ROBO1: variants seen among roughly 807,000 people sequenced by gnomAD.
ROBO1 encodes roundabout guidance receptor 1.
Under a neutral mutation model 195.9 loss-of-function variants are expected in ROBO1, and 149 were observed. That is an observed-to-expected ratio of 0.76 (90% CI 0.67 to 0.87). The LOEUF (loss-of-function observed/expected upper bound fraction) is 0.87, where lower values mean the gene tolerates loss of function less well. ROBO1 is among the 40% of genes least tolerant of loss of function. ROBO1 has a pLI of 0.00. For missense variants in ROBO1, 1,933 were observed against 2,068.3 expected, an observed-to-expected ratio of 0.93 and a Z score of 1.27; for synonymous variants, 816 against 733.2, an observed-to-expected ratio of 1.11 and a Z score of -1.82.
chr3:78,643,910 A>G (rs1235890189), intron 21 of ROBO1, among the ~76,000 whole-genome samples: 1 of 152,160 alleles, frequency 6.6e-6, no homozygotes, highest in Admixed American at 6.6e-5. Flanking sequence ...GACAGCATCA[A>G]CAAAATGCAG....
chr3:79,641,358 A>G (rs958618219), intron 1 of ROBO1, among the ~76,000 whole-genome samples: 61 of 152,130 alleles, frequency 4.0e-4, no homozygotes, highest in Non-Finnish European at 5.9e-5. Flanking sequence ...TACATCTTTA[A>G]AAATAATCAA....
intron 1 of ROBO1, among the ~76,000 whole-genome samples, chr3:79,667,917 TATAAC>T (rs1440536374): frequency 1.1e-4 from 17 of 151,806 alleles, no homozygotes; most frequent in African/African-American, 3.4e-4. Context: ...AAATTTCACT[TATAAC>T]ATATGAAGAA....
intron 3 of ROBO1, among the ~76,000 whole-genome samples, chr3:79,073,929 AAC>A (rs2079129026): frequency 6.6e-6 from 1 of 150,902 alleles, no homozygotes. Flanking sequence ...CTAGATATAT[AAC>A]AGCAATAAAC....
At chr3:78,682,728 TAAA>T (rs1372456930) in intron 10 of ROBO1, among the ~76,000 whole-genome samples, 1 of 147,840 alleles carries the variant, frequency 6.8e-6, no homozygotes, top group East Asian at 2.0e-4. Flanking sequence ...CACAGTCACA[TAAA>T]AATCATATAT....
At chr3:78,926,201 G>A (rs2039212657) in intron 4 of ROBO1, among the ~76,000 whole-genome samples, 1 of 152,098 alleles carries the variant, frequency 6.6e-6, no homozygotes, top group Non-Finnish European at 1.5e-5. Flanking sequence ...AAAGGGATGG[G>A]GTTGAATTCT....
chr3:79,137,965 T>C (rs1432029062), intron 2 of ROBO1, among the ~76,000 whole-genome samples: 1 of 152,050 alleles, frequency 6.6e-6, no homozygotes, highest in Non-Finnish European at 1.5e-5. Context: ...CATGTGTCCT[T>C]TTACAGACAG....
chr3:78,966,898 A>C (rs1427498411), intron 3 of ROBO1, among the ~76,000 whole-genome samples: 1 of 152,190 alleles, frequency 6.6e-6, no homozygotes, highest in African/African-American at 2.4e-5. Flanking sequence ...CTACAGCTTT[A>C]AACCCATATC....
chr3:79,515,892 G>GTATATTTTACTTCATGAATAAAA (rs983525243), intron 2 of ROBO1, among the ~76,000 whole-genome samples: 21 of 152,176 alleles, frequency 1.4e-4, no homozygotes, highest in African/African-American at 4.8e-4. Context: ...CTTTGCATCA[G>GTATATTTTACTTCATGAATAAAA]TATATTTTAC....
chr3:79,503,200 C>G (rs1355273129), intron 2 of ROBO1, among the ~76,000 whole-genome samples: 2 of 152,136 alleles, frequency 1.3e-5, no homozygotes, highest in Admixed American at 6.5e-5. Context: ...ACTACGAACC[C>G]ACCAGGAGGA....
At chr3:78,703,733 T>G (rs1193687649) in intron 8 of ROBO1, among the ~76,000 whole-genome samples, 1 of 151,916 alleles carries the variant, frequency 6.6e-6, no homozygotes, top group Non-Finnish European at 1.5e-5. Context: ...GTGGTAAATA[T>G]ATATTACATT....
At chr3:79,680,325 C>G (rs1001353986) in intron 1 of ROBO1, among the ~76,000 whole-genome samples, 1 of 151,976 alleles carries the variant, frequency 6.6e-6, no homozygotes, top group African/African-American at 2.4e-5. Flanking sequence ...GAAAATAGTA[C>G]TAGTGACTAC....
intron 1 of ROBO1, among the ~76,000 whole-genome samples, chr3:79,671,726 T>C (rs1200413881): frequency 6.6e-6 from 1 of 151,936 alleles, no homozygotes; most frequent in African/African-American, 2.4e-5. Context: ...AAATTTATTG[T>C]ATTGTCGGTA....
chr3:78,952,396 G>T (rs1576459136), intron 3 of ROBO1, among the ~76,000 whole-genome samples: 3 of 150,372 alleles, frequency 2.0e-5, no homozygotes, highest in African/African-American at 7.3e-5. Context: ...TTATATATAG[G>T]TTCAAACCTA....
intron 2 of ROBO1, among the ~76,000 whole-genome samples, chr3:79,479,428 T>C (rs931025207): frequency 6.6e-6 from 1 of 152,140 alleles, no homozygotes; most frequent in African/African-American, 2.4e-5. Context: ...GCTCAGGCGG[T>C]AATACTTGCC....
At chr3:78,696,941 C>T (rs369414728) in intron 8 of ROBO1, among the ~76,000 whole-genome samples, 1 of 151,616 alleles carries the variant, frequency 6.6e-6, no homozygotes. Flanking sequence ...TTAATTATTT[C>T]ATCACTTGAA....
At chr3:79,064,508 A>C (rs2078973782) in intron 3 of ROBO1, among the ~76,000 whole-genome samples, 1 of 151,410 alleles carries the variant, frequency 6.6e-6, no homozygotes, top group South Asian at 2.1e-4. Flanking sequence ...ACAAACATCC[A>C]GAAAAATCTA....
intron 2 of ROBO1, among the ~76,000 whole-genome samples, chr3:79,546,580 T>G (rs2107657476): frequency 6.6e-6 from 1 of 152,290 alleles, no homozygotes; most frequent in Admixed American, 6.5e-5. Flanking sequence ...TCCACTTTTC[T>G]CAGAAAAAGA....
At chr3:79,477,517 T>C (rs2107357114) in intron 2 of ROBO1, among the ~76,000 whole-genome samples, 1 of 152,240 alleles carries the variant, frequency 6.6e-6, no homozygotes, top group Non-Finnish European at 1.5e-5. Context: ...TGCAAGAAGA[T>C]GCTTTTAAAA....
chr3:78,902,539 T>C lies in ROBO1; in HGVS notation c.499+36062A>G, dbSNP rs551570878. Among the ~76,000 whole-genome samples, 3 of 152,192 alleles carry C rather than the reference T, an allele frequency of 2.0e-5. 1 individual carries two copies. The highest frequency in any genetic ancestry group is 2.0e-4 in the Admixed American group (3 of 15,286). ...TTTGTGTTTTCTTAAGAAGGCATAT[T>C]AATAAAAAAAATTTTATATAAAAAA... is the stretch of plus-strand genomic sequence containing the variant. On this transcript the variant is annotated intron_variant, in intron 4 of 30. Coordinates refer to ENST00000464233, the MANE Select transcript of ROBO1 (RefSeq NM_002941.4).
Sources: gnomAD v4.1 joint callset for allele counts (sites outside exome capture counted in the v4.1 genomes callset) on GRCh38, gnomAD v4.1.1 for gene constraint, MANE v1.5 for transcripts, NCBI Gene and HGNC (gene_info 2026-07-23, HGNC 2026-07-21) for gene names.